KIRREL3: variants seen among roughly 807,000 people sequenced by gnomAD.
The protein encoded by KIRREL3 is kirre like nephrin family adhesion molecule 3, also known as kin of IRRE-like protein 3.
KIRREL3 carries 36 observed loss-of-function variants against 89.7 expected under a neutral mutation model. The ratio of observed to expected loss-of-function variants is 0.40; its 90% confidence interval spans 0.31 to 0.53. The LOEUF (loss-of-function observed/expected upper bound fraction) is 0.53. Among genes scored for constraint, KIRREL3 ranks in the 20% least tolerant of loss-of-function variants. The pLI is 0.49. For synonymous variants in KIRREL3, 445 were observed against 441.4 expected (o/e 1.01, Z -0.10); for missense variants, 864 against 1,056.6 (o/e 0.82, Z 2.53).
At chr11:126,435,123 TCTACA>T (rs1445264617) in intron 13 of KIRREL3, 140 bp downstream of exon 13, 4 of 851,192 alleles carry the variant, frequency 4.7e-6, no homozygotes, top group African/African-American at 1.7e-5. Flanking sequence ...CACTGCTTTG[TCTACA>T]CTAAACCCTC....
chr11:126,786,871 C>T (rs536293702), intron 1 of KIRREL3, among the ~76,000 whole-genome samples: 2 of 152,224 alleles, frequency 1.3e-5, no homozygotes, highest in African/African-American at 2.4e-5. Flanking sequence ...CTGGCCAGGC[C>T]GTTGGTTGAG....
chr11:126,753,115 C>T (rs1270631167), intron 1 of KIRREL3, among the ~76,000 whole-genome samples: 4 of 152,178 alleles, frequency 2.6e-5, no homozygotes, highest in African/African-American at 4.8e-5. Flanking sequence ...GACCAGCACT[C>T]GTCCAATAAA....
At chr11:126,478,742 TAA>T (rs1957145608) in intron 4 of KIRREL3, among the ~76,000 whole-genome samples, 2 of 151,884 alleles carry the variant, frequency 1.3e-5, no homozygotes, top group Non-Finnish European at 1.5e-5. Context: ...CATGTGTATG[TAA>T]GTGTGTGTGT....
At chr11:126,902,532 T>C (rs978294057) in intron 1 of KIRREL3, among the ~76,000 whole-genome samples, 3 of 152,268 alleles carry the variant, frequency 2.0e-5, no homozygotes, top group Non-Finnish European at 4.4e-5. Context: ...CTCATAAGTA[T>C]ATCCCCCTAA....
chr11:126,468,485 G>C (rs1267606167), intron 5 of KIRREL3, among the ~76,000 whole-genome samples: 1 of 152,222 alleles, frequency 6.6e-6, no homozygotes, highest in Non-Finnish European at 1.5e-5. Flanking sequence ...AGCCTGTGCT[G>C]GGGGAGGGAC....
Position 126,459,478 on chromosome 11 carries a change from G to C in KIRREL3, c.743-3024C>G, listed in dbSNP as rs1392906301. ...TCTGCACCTCCACCCCAAGACCAGA[G>C]GTGCCCAAGCTTCTTTCTCCACTTC... is the stretch of plus-strand genomic sequence containing the variant. On this transcript the variant is annotated intron_variant, in intron 6 of 16. Transcript: ENST00000525144. This position sits in a 1 kb window ranked among gnomAD's most constrained non-coding sequence, Gnocchi z 4.8. Among the ~76,000 whole-genome samples, 1 of 152,160 alleles carries C rather than the reference G, an allele frequency of 6.6e-6. No homozygotes were observed. The highest frequency in any genetic ancestry group is 2.4e-5 in the African/African-American group (1 of 41,422).
At chr11:126,874,349 A>C (rs1437656536) in intron 1 of KIRREL3, among the ~76,000 whole-genome samples, 2 of 152,194 alleles carry the variant, frequency 1.3e-5, no homozygotes, top group Non-Finnish European at 2.9e-5. Flanking sequence ...CAAAGCAAAA[A>C]AGTTAAAGAA....
intron 1 of KIRREL3, among the ~76,000 whole-genome samples, chr11:126,629,384 G>T (rs1265211634): frequency 6.6e-6 from 1 of 152,256 alleles, no homozygotes; most frequent in Non-Finnish European, 1.5e-5. Context: ...GAAGCTCTGG[G>T]GGGAGCTCTG....
intron 1 of KIRREL3, among the ~76,000 whole-genome samples, chr11:126,657,055 CA>C (rs199814288): frequency 1.4e-5 from 2 of 145,650 alleles, no homozygotes; most frequent in East Asian, 2.0e-4. Flanking sequence ...GACTGTGTCT[CA>C]AAAAAAAAGA....
rs1003305864 is a variant in KIRREL3, at chr11:126,643,240, A to T, written c.56-80328T>A. ...GGTTAACATGGGAATTAAAGAAGAT[A>T]ATGCATATTAAAGTTCTTGGTACAT... On this transcript the variant is annotated intron_variant, in intron 1 of 16. Transcript: ENST00000525144. The surrounding 1 kb of genome is among the most constrained non-coding windows in gnomAD (Gnocchi z 4.5). Among the ~76,000 whole-genome samples, 2 of 152,260 alleles carry T rather than the reference A, an allele frequency of 1.3e-5. No individual in the cohort carries two copies. The highest frequency in any genetic ancestry group is 4.8e-5 in the African/African-American group (2 of 41,470).
In KIRREL3 at chr11:126,872,891, G is replaced by C. The variant is rs1004708482; in HGVS notation, c.55+127564C>G. 2.0e-5 allele frequency among the ~76,000 whole-genome samples: 3 copies of C among 152,050 alleles called. No individual in the cohort carries two copies. The highest frequency in any genetic ancestry group is 2.9e-5 in the Non-Finnish European group (2 of 67,998). The stretch of plus-strand genomic sequence containing the variant: ...CCTGGGCATCTAAGTGACGGCCACT[G>C]TTCACCAGCTGTGCCGAGTTACTAC... On this transcript the variant is annotated intron_variant, in intron 1 of 16. Transcript: ENST00000525144. This position sits in a 1 kb window ranked among gnomAD's most constrained non-coding sequence, Gnocchi z 4.2.
rs143263301 is a variant in KIRREL3, at chr11:126,983,400, G to C, written c.55+17055C>G. Reference sequence around the variant, plus strand: ...TCTTGCGGTAGACAGAATAATGGCCGCCAAAGATGCCCATGTCCTAATCCC... The same window carrying C: ...TCTTGCGGTAGACAGAATAATGGCCCCCAAAGATGCCCATGTCCTAATCCC... On this transcript the variant is annotated intron_variant, in intron 1 of 16. Transcript: ENST00000525144. The surrounding 1 kb of genome is among the most constrained non-coding windows in gnomAD (Gnocchi z 4.9). Among the ~76,000 whole-genome samples the C allele has an allele frequency of 2.2e-4, 34 of 152,248 alleles. No homozygotes were observed. Among genetic ancestry groups the C allele is most frequent in the African/African-American group, 7.9e-4 (33 of 41,548 alleles).
intron 1 of KIRREL3, among the ~76,000 whole-genome samples, chr11:126,714,091 C>T (rs968782257): frequency 6.6e-6 from 1 of 152,084 alleles, no homozygotes; most frequent in Non-Finnish European, 1.5e-5. Context: ...GCCCAGGGTG[C>T]AATACTGAAG....
rs147618803 is a variant in KIRREL3, at chr11:126,450,330, TGA to T, written c.849-1175_849-1174del. On this transcript the variant is annotated intron_variant, in intron 7 of 16. Transcript: ENST00000525144. ...GTGCCCATGTGCACGTGTGCATGTG[TGA>T]GCGTGGGCATGTGTGTCCATGTGCA... 6.3e-4 allele frequency among the ~76,000 whole-genome samples: 95 copies of T among 151,002 alleles called. No homozygotes were observed. In the East Asian group the frequency reaches 0.016, roughly 25 times the overall value.
chr11:126,468,992 T>C (rs903030518), intron 5 of KIRREL3, among the ~76,000 whole-genome samples: 2 of 152,092 alleles, frequency 1.3e-5, no homozygotes, highest in African/African-American at 4.8e-5. Context: ...CTTGCAGCCG[T>C]GTGGATCCAG....
chr11:126,670,034 C>G (rs1945864528), intron 1 of KIRREL3, among the ~76,000 whole-genome samples: 1 of 152,184 alleles, frequency 6.6e-6, no homozygotes. Context: ...ATTCCACACA[C>G]CAGCATGTCC....
In KIRREL3 at chr11:126,432,462, G is replaced by T. The variant is rs574523229; in HGVS notation, c.1589-936C>A. On this transcript the variant is annotated intron_variant, in intron 13 of 16. Coordinates refer to ENST00000525144, the MANE Select transcript of KIRREL3 (RefSeq NM_032531.4). This position sits in a 1 kb window ranked among gnomAD's most constrained non-coding sequence, Gnocchi z 6.2. ...ATAGAACTAGAGAATGCTGGGGCAG[G>T]GAGAGCTTGGGGCTCTCACTGAGGT... 2.0e-5 allele frequency among the ~76,000 whole-genome samples: 3 copies of T among 152,242 alleles called. No individual in the cohort carries two copies. Among genetic ancestry groups the T allele is most frequent in the South Asian group, 4.1e-4 (2 of 4,824 alleles).
rs35166255 is a variant in KIRREL3 at position 126,431,861 on chromosome 11, G to A, written c.1589-335C>T. ...CGGAGATGAGGGGTGGGGCTGGCAC[G>A]ATGGAGCTCTCTCTGGCATTAAACA... On this transcript the variant is annotated intron_variant, in intron 13 of 16. Coordinates refer to ENST00000525144, the MANE Select transcript of KIRREL3 (RefSeq NM_032531.4). The surrounding 1 kb of genome is among the most constrained non-coding windows in gnomAD (Gnocchi z 7.1). Among the ~76,000 whole-genome samples the A allele has an allele frequency of 0.033, 5,038 of 152,268 alleles. 86 individuals carry two copies. Among genetic ancestry groups the A allele is most frequent in the Admixed American group, 0.057 (867 of 15,296 alleles).
chr11:126,668,952 A>C lies in KIRREL3; in HGVS notation c.56-106040T>G, dbSNP rs1285718054. Among the ~76,000 whole-genome samples, 1 of 151,970 alleles carries C rather than the reference A, an allele frequency of 6.6e-6. No homozygotes were observed. The highest frequency in any genetic ancestry group is 2.4e-5 in the African/African-American group (1 of 41,358). On this transcript the variant is annotated intron_variant, in intron 1 of 16. Transcript: ENST00000525144. This position sits in a 1 kb window ranked among gnomAD's most constrained non-coding sequence, Gnocchi z 4.4. Reference sequence around the variant, plus strand: ...GCCTATGTTGGGGTGCTGGGTACTGACAGTAAGAGTGTCCAGGATGAGGGA... The same window carrying C: ...GCCTATGTTGGGGTGCTGGGTACTGCCAGTAAGAGTGTCCAGGATGAGGGA...
Sources: allele counts gnomAD v4.1 joint callset (sites outside exome capture counted in the v4.1 genomes callset), GRCh38; gene constraint gnomAD v4.1.1; non-coding constraint Gnocchi (gnomAD v3.1); transcripts MANE v1.5; gene names NCBI Gene and HGNC (gene_info 2026-07-23, HGNC 2026-07-21).